FRMD5: variants seen among roughly 807,000 people sequenced by gnomAD.
FRMD5 encodes the protein FERM domain-containing protein 5.
A neutral mutation model predicts 69.0 loss-of-function variants in FRMD5; 20 were observed. The ratio of observed to expected loss-of-function variants is 0.29; its 90% CI spans 0.20 to 0.42. FRMD5 has a LOEUF of 0.42. Among genes scored for constraint, FRMD5 ranks in the 10% least tolerant of loss-of-function variants. The pLI is 1.00. For synonymous variants in FRMD5, 271 were observed against 260.1 expected, an observed-to-expected ratio of 1.04 and a Z score of -0.40; for missense variants, 595 against 708.6, an observed-to-expected ratio of 0.84 and a Z score of 1.82.
chr15:44,049,297 C>T (rs1356006884), intron 1 of FRMD5, among the ~76,000 whole-genome samples: 1 of 152,208 alleles, frequency 6.6e-6, no homozygotes, highest in African/African-American at 2.4e-5. Flanking sequence ...GTACCACCAT[C>T]TGACCAATAC....
chr15:44,079,103 G>A (rs1223875622), intron 1 of FRMD5, among the ~76,000 whole-genome samples: 1 of 151,950 alleles, frequency 6.6e-6, no homozygotes, highest in African/African-American at 2.4e-5. Context: ...AATAGGTAAA[G>A]GACTTGAATA....
chr15:43,961,655 G>A (rs1184604761), intron 1 of FRMD5, among the ~76,000 whole-genome samples: 1 of 152,300 alleles, frequency 6.6e-6, no homozygotes, highest in East Asian at 1.9e-4. Flanking sequence ...AAAATCCTCA[G>A]TAAAATACTG....
intron 1 of FRMD5, among the ~76,000 whole-genome samples, chr15:44,093,780 G>T (rs1365431411): frequency 1.3e-5 from 2 of 151,890 alleles, no homozygotes; most frequent in African/African-American, 4.8e-5. Context: ...CACCATGTTA[G>T]CCAGGATGGT....
chr15:44,170,662 G>A lies in FRMD5; in HGVS notation c.102+24291C>T, dbSNP rs188317275. 8.5e-5 allele frequency among the ~76,000 whole-genome samples: 13 copies of A among 152,090 alleles called. No homozygotes were observed. The East Asian group carries it at 2.5e-3, about 29-fold the overall frequency. The stretch of plus-strand genomic sequence containing the variant: ...TTTTTGGCCCCAACAGTGTTCCTAG[G>A]CCCAGGGACTTTTGCAAAGAAAGCA... On this transcript the variant is annotated intron_variant, in intron 1 of 13. Coordinates refer to ENST00000417257, the MANE Select transcript of FRMD5 (RefSeq NM_032892.5).
intron 1 of FRMD5, among the ~76,000 whole-genome samples, chr15:44,087,516 CCTGCAATAT>C (rs1894250342): frequency 6.6e-6 from 1 of 152,018 alleles, no homozygotes; most frequent in African/African-American, 2.4e-5. Context: ...TATAGGTTTT[CCTGCAATAT>C]TGAACTTTGG....
intron 1 of FRMD5, among the ~76,000 whole-genome samples, chr15:44,002,505 C>T (rs1178831805): frequency 6.6e-6 from 1 of 152,050 alleles, no homozygotes; most frequent in Non-Finnish European, 1.5e-5. Flanking sequence ...ACTCACATCT[C>T]CAAAAACCAA....
At chr15:44,046,272 G>A (rs1042507468) in intron 1 of FRMD5, among the ~76,000 whole-genome samples, 4 of 152,060 alleles carry the variant, frequency 2.6e-5, no homozygotes, top group Admixed American at 1.3e-4. Flanking sequence ...CAGAACTCAA[G>A]AGAAAATAAA....
Position 44,193,760 on chromosome 15 carries a change from T to TA in FRMD5, c.102+1192dup, listed in dbSNP as rs1012184676. ...AGTCAGCAGAGACCAGCTGCTCTCA[T>TA]ACACTACCCAGTGTCTTTCTCACAC... On this transcript the variant is annotated intron_variant, in intron 1 of 13. Transcript: ENST00000417257. Among the ~76,000 whole-genome samples the TA allele has an allele frequency of 2.6e-5, 4 of 152,198 alleles. No homozygotes were observed. In the East Asian group the frequency reaches 5.8e-4, roughly 22 times the overall value.
intron 5 of FRMD5, 25 bp from the exon 6 acceptor site, chr15:43,905,976 A>C: frequency 6.2e-7 from 1 of 1,614,146 alleles, no homozygotes; most frequent in South Asian, 1.1e-5. Context: ...GTGGAAGAAA[A>C]CAATTGTGGA....
intron 1 of FRMD5, among the ~76,000 whole-genome samples, chr15:43,931,527 C>T (rs777581480): frequency 1.3e-5 from 2 of 152,062 alleles, no homozygotes; most frequent in Non-Finnish European, 1.5e-5. Flanking sequence ...GGGGAAAGAT[C>T]GACTTCCCCT....
chr15:44,023,576 G>T (rs955849721), intron 1 of FRMD5, among the ~76,000 whole-genome samples: 1 of 152,050 alleles, frequency 6.6e-6, no homozygotes, highest in South Asian at 2.1e-4. Flanking sequence ...CAACTTAAAC[G>T]TCTAGACTTA....
intron 1 of FRMD5, among the ~76,000 whole-genome samples, chr15:44,065,919 G>T (rs1167527374): frequency 6.6e-6 from 1 of 152,084 alleles, no homozygotes; most frequent in Non-Finnish European, 1.5e-5. Context: ...CAGATAAGGT[G>T]ACTTTATATC....
At chr15:44,143,222 A>C (rs989431061) in intron 1 of FRMD5, among the ~76,000 whole-genome samples, 3 of 152,218 alleles carry the variant, frequency 2.0e-5, no homozygotes, top group Admixed American at 1.3e-4. Context: ...TATCAGACAC[A>C]GTACACCCTG....
chr15:43,969,820 C>A (rs1336138344), intron 1 of FRMD5, among the ~76,000 whole-genome samples: 2 of 152,138 alleles, frequency 1.3e-5, no homozygotes, highest in African/African-American at 4.8e-5. Flanking sequence ...TGATACTATT[C>A]CTCTATCCTA....
chr15:44,058,367 G>C (rs952194675), intron 1 of FRMD5, among the ~76,000 whole-genome samples: 2 of 152,142 alleles, frequency 1.3e-5, no homozygotes, highest in African/African-American at 4.8e-5. Flanking sequence ...TGGAGTGACT[G>C]CTAAGGGGCA....
chr15:44,009,210 C>A (rs763698870), intron 1 of FRMD5, among the ~76,000 whole-genome samples: 3 of 152,226 alleles, frequency 2.0e-5, no homozygotes, highest in Non-Finnish European at 2.9e-5. Flanking sequence ...ACTATCTCTT[C>A]TTTGCCCAGC....
intron 1 of FRMD5, among the ~76,000 whole-genome samples, chr15:43,971,176 G>A (rs1270742703): frequency 2.0e-5 from 3 of 151,864 alleles, no homozygotes; most frequent in South Asian, 4.2e-4. Context: ...GGAGGTGGAG[G>A]TTGCAGTGAG....
At chr15:44,125,431 C>T (rs555445357) in intron 1 of FRMD5, among the ~76,000 whole-genome samples, 1 of 152,122 alleles carries the variant, frequency 6.6e-6, no homozygotes, top group Non-Finnish European at 1.5e-5. Flanking sequence ...TACCATAGTA[C>T]CTTGTGCTCT....
intron 1 of FRMD5, among the ~76,000 whole-genome samples, chr15:43,934,180 T>G (rs994581215): frequency 2.0e-5 from 3 of 152,218 alleles, no homozygotes; most frequent in African/African-American, 4.8e-5. Flanking sequence ...ATAGGAAATA[T>G]GCTCTGAGCA....
Sources: gnomAD v4.1 joint callset for allele counts (sites outside exome capture counted in the v4.1 genomes callset) on GRCh38, gnomAD v4.1.1 for gene constraint, MANE v1.5 for transcripts, NCBI Gene and HGNC (gene_info 2026-07-23, HGNC 2026-07-21) for gene names.